Variants in ACTN2 observed in about 807,000 individuals in gnomAD.
ACTN2 encodes the protein alpha-actinin-2.
In ACTN2, 39 loss-of-function variants were observed where a neutral mutation model predicts 113.8. That is an observed-to-expected ratio of 0.34 (90% CI 0.27 to 0.45). ACTN2 has a LOEUF of 0.45. Ranked by LOEUF, ACTN2 falls within the 20% of genes least tolerant of loss-of-function variation. The pLI is 1.00. For missense variants in ACTN2, 992 were observed against 1,177.9 expected, an observed-to-expected ratio of 0.84 and a Z score of 2.31; for synonymous variants, 429 against 444.1, an observed-to-expected ratio of 0.97 and a Z score of 0.43.
At chr1:236,729,895 G>A (rs1369189336) in intron 6 of ACTN2, among the ~76,000 whole-genome samples, 1 of 152,172 alleles carries the variant, frequency 6.6e-6, no homozygotes, top group South Asian at 2.1e-4. Context: ...GTAGTAATTG[G>A]TCATCTTTAA....
At chr1:236,689,336 T>TAC (rs1166980052) in intron 1 of ACTN2, among the ~76,000 whole-genome samples, 70 of 33,722 alleles carry the variant, frequency 2.1e-3, no homozygotes, top group African/African-American at 3.4e-3. Context: ...TATATATATA[T>TAC]ATACACACAC....
Position 236,737,184 on chromosome 1 carries a change from G to C in ACTN2, c.846G>C (p.Leu282=). ...VLAVNQENER[L]MEEYERLASE... is the part of the protein sequence containing the mutation. ...CTGTGAATCAAGAGAATGAGAGGCT[G>C]ATGGAAGAATATGAGAGGCTAGCGA... Residue 282 remains leucine (L), a synonymous_variant, in exon 9 of 21, where the codon CTG becomes CTC. Transcript: ENST00000366578. 6.2e-7 allele frequency: 1 copy of C among 1,604,592 alleles called. No individual in the cohort carries two copies. Among genetic ancestry groups the C allele is most frequent in the Non-Finnish European group, 8.5e-7 (1 of 1,174,068 alleles).
chr1:236,725,942 C>T lies in ACTN2; in HGVS notation c.458C>T (p.Ala153Val). Reference protein sequence around the residue: ...IQDISVEETSAKEGLLLWCQR... With the variant: ...IQDISVEETSVKEGLLLWCQR... ...TTGGCTGTCATTACAGAAACATCTG[C>T]CAAAGAAGGTCTGCTGCTTTGGTGT... The change falls in exon 5 of 21, where the codon GCC (alanine) becomes GTC (valine). Residue 153 changes from alanine (A) to valine (V), a missense_variant. Ala to Val is a moderately conservative substitution (Grantham distance 64). Around this residue, in one of 3 missense-constraint regions of ACTN2, gnomAD observed 220 missense variants for 337.5 expected, o/e 0.65. Transcript: ENST00000366578. 6.2e-7 allele frequency: 1 copy of T among 1,614,112 alleles called. No individual in the cohort carries two copies. Among genetic ancestry groups the T allele is most frequent in the Non-Finnish European group, 8.5e-7 (1 of 1,179,982 alleles).
intron 7 of ACTN2, among the ~76,000 whole-genome samples, chr1:236,734,976 G>C (rs1658823827): frequency 6.6e-6 from 1 of 152,214 alleles, no homozygotes; most frequent in African/African-American, 2.4e-5. Context: ...TCAGCAATTA[G>C]TAGAAATAGT....
intron 6 of ACTN2, among the ~76,000 whole-genome samples, chr1:236,728,292 C>T (rs574861406): frequency 1.2e-4 from 19 of 152,138 alleles, no homozygotes; most frequent in South Asian, 2.1e-4. Context: ...TACAGGCATC[C>T]GCCACCACGC....
intron 12 of ACTN2, 75 bp downstream of exon 12, chr1:236,744,851 C>A: frequency 6.2e-7 from 1 of 1,601,308 alleles, no homozygotes; most frequent in Non-Finnish European, 8.5e-7. Flanking sequence ...GCCTGCCTTG[C>A]CTTTCCTGAC....
intron 5 of ACTN2, among the ~76,000 whole-genome samples, chr1:236,727,022 T>C (rs965691477): frequency 5.3e-5 from 8 of 152,168 alleles, no homozygotes; most frequent in African/African-American, 1.2e-4. Context: ...ACTCCCACAC[T>C]CTGCTGTCAC....
intron 7 of ACTN2, chr1:236,734,662 G>C: frequency 1.6e-6 from 1 of 616,420 alleles, no homozygotes; most frequent in South Asian, 2.1e-5. Flanking sequence ...GTCTTTTTTA[G>C]TCTAGCTTTC....
intron 1 of ACTN2, among the ~76,000 whole-genome samples, chr1:236,715,390 G>C (rs755427320): frequency 7.1e-6 from 1 of 140,694 alleles, no homozygotes; most frequent in Non-Finnish European, 1.5e-5. Flanking sequence ...AAATTAATAT[G>C]TTAAAAAATA....
chr1:236,735,641 T>G lies in ACTN2; in HGVS notation c.704T>G (p.Val235Gly), dbSNP rs1658848455. 22 of 1,614,088 alleles carry G rather than the reference T, an allele frequency of 1.4e-5. No individual in the cohort carries two copies. The highest frequency in any genetic ancestry group is 1.9e-5 in the Non-Finnish European group (22 of 1,179,964). ...IPKMLDAEDIVNTPKPDERAI... is the reference protein window; with the variant it reads ...IPKMLDAEDIGNTPKPDERAI... Reference sequence around the variant, plus strand: ...TTATTTTCTCCCCCTTCAGACATCGTGAACACCCCTAAACCCGATGAAAGA... The same window carrying G: ...TTATTTTCTCCCCCTTCAGACATCGGGAACACCCCTAAACCCGATGAAAGA... Residue 235 changes from valine to glycine, a missense_variant, in exon 8 of 21, where the codon GTG becomes GGG. Physicochemically the swap from Val to Gly is moderately radical, Grantham distance 109 (BLOSUM62 -3). Coordinates refer to ENST00000366578, the MANE Select transcript of ACTN2 (RefSeq NM_001103.4).
intron 1 of ACTN2, among the ~76,000 whole-genome samples, chr1:236,705,196 G>A (rs1331383773): frequency 6.7e-6 from 1 of 150,260 alleles, no homozygotes; most frequent in Non-Finnish European, 1.5e-5. Flanking sequence ...ATATATACCT[G>A]TGTGTGTATA....
At chr1:236,753,803 C>T (rs1659469173) in intron 15 of ACTN2, 144 bp from the exon 16 acceptor site, 2 of 1,028,180 alleles carry the variant, frequency 1.9e-6, no homozygotes, top group South Asian at 1.3e-5. Context: ...CCCTATCCTC[C>T]CTCTTCCTTC....
intron 9 of ACTN2, 59 bp from the exon 10 acceptor site, chr1:236,739,243 T>G: frequency 6.4e-7 from 1 of 1,554,800 alleles, no homozygotes; most frequent in Admixed American, 1.7e-5. Context: ...TTTTTTTTTT[T>G]TAACTGGGGG....
At chr1:236,702,227 C>T (rs1004814924) in intron 1 of ACTN2, among the ~76,000 whole-genome samples, 2 of 152,136 alleles carry the variant, frequency 1.3e-5, no homozygotes, top group Admixed American at 1.3e-4. Context: ...TTTTTTCCCC[C>T]TCCATTAGGA....
intron 4 of ACTN2, among the ~76,000 whole-genome samples, chr1:236,725,116 G>A (rs1658511412): frequency 6.6e-6 from 1 of 152,112 alleles, no homozygotes; most frequent in African/African-American, 2.4e-5. Flanking sequence ...AACCTTAAGT[G>A]AATACAAAGG....
chr1:236,740,045 C>T (rs1659020088), intron 10 of ACTN2, among the ~76,000 whole-genome samples: 2 of 152,172 alleles, frequency 1.3e-5, no homozygotes. Context: ...CTTCTTGGCT[C>T]CCCTTCACAG....
chr1:236,762,753 C>A lies in ACTN2; in HGVS notation c.*134C>A. 1 of 1,093,258 alleles carries A rather than the reference C, an allele frequency of 9.1e-7. No homozygotes were observed. Among genetic ancestry groups the A allele is most frequent in the Non-Finnish European group, 1.3e-6 (1 of 744,670 alleles). 67.7% of individuals were successfully genotyped at this position (1,093,258 alleles called of 1,614,324 possible). A position where few individuals can be genotyped will look rare whatever the true frequency, so the allele number is the denominator to read the frequency against. On this transcript the variant is annotated 3_prime_UTR_variant, in exon 21 of 21. Coordinates refer to ENST00000366578, the MANE Select transcript of ACTN2 (RefSeq NM_001103.4). ...GGAAAAAAAAAAGCCTTTCGTAGTT[C>A]AGTAATTGCCAGCAATATAACACGG...
intron 3 of ACTN2, among the ~76,000 whole-genome samples, chr1:236,719,604 C>T (rs10925204): frequency 0.079 from 12,020 of 152,148 alleles, 1,209 homozygotes; most frequent in African/African-American, 0.23. Flanking sequence ...GCCTGGCCAA[C>T]GTGGTGAAAC....
At chr1:236,709,549 G>C (rs116352060) in intron 1 of ACTN2, among the ~76,000 whole-genome samples, 2,437 of 151,674 alleles carry the variant, frequency 0.016, 20 homozygotes, top group Middle Eastern at 0.058. Context: ...GGGCTTGCTT[G>C]TCCCACCCCA....
Sources: allele counts gnomAD v4.1 joint callset (sites outside exome capture counted in the v4.1 genomes callset), GRCh38; gene constraint gnomAD v4.1.1; regional missense constraint gnomAD v4.1.1; transcripts MANE v1.5; gene names NCBI Gene and HGNC (gene_info 2026-07-23, HGNC 2026-07-21).